MTFR1: variants seen among roughly 807,000 people sequenced by gnomAD.
The protein encoded by MTFR1 is chondrocyte protein with a poly-proline region.
In MTFR1, 28 loss-of-function variants were observed where a neutral mutation model predicts 38.8. The ratio of observed to expected loss-of-function variants is 0.72; its 90% CI spans 0.53 to 0.99. The LOEUF (loss-of-function observed/expected upper bound fraction) is 0.99. Among genes scored for constraint, MTFR1 ranks in the 50% least tolerant of loss-of-function variants. The pLI is 0.00. For missense variants in MTFR1, 358 were observed against 395.5 expected, an observed-to-expected ratio of 0.91 and a Z score of 0.81; for synonymous variants, 145 against 137.0, an observed-to-expected ratio of 1.06 and a Z score of -0.41.
chr8:65,731,980 A>ATTGTTG (rs1477616638), intron 3 of MTFR1, among the ~76,000 whole-genome samples: 2 of 151,454 alleles, frequency 1.3e-5, no homozygotes, highest in South Asian at 2.1e-4. Context: ...TATTATTATT[A>ATTGTTG]TTATTATTGT....
rs968472201 is a variant in MTFR1 at position 65,723,750 on chromosome 8, G to C, written c.*48+4269G>C. On this transcript the variant is annotated intron_variant, in intron 3 of 3. Transcript: ENST00000521247. ...TTAATCCTCATGAGAGGACAGCTTC[G>C]CAATTAGTTCTTTTTAAAATTTTAA... The C allele has an allele frequency of 1.4e-5, 8 of 562,254 alleles. No homozygotes were observed. The African/African-American group carries it at 1.6e-4, about 11-fold the overall frequency. 34.8% of individuals were successfully genotyped at this position (562,254 alleles called of 1,614,324 possible).
At chr8:65,727,508 A>C in intron 3 of MTFR1, 1 of 524,830 alleles carries the variant, frequency 1.9e-6, no homozygotes, top group East Asian at 3.2e-5. Flanking sequence ...ATGATACAAC[A>C]GTGGCCCTGC....
intron 2 of MTFR1, among the ~76,000 whole-genome samples, chr8:65,716,218 T>G (rs1187731284): frequency 6.7e-6 from 1 of 150,356 alleles, no homozygotes; most frequent in Non-Finnish European, 1.5e-5. Flanking sequence ...AACTTTTCAA[T>G]GGGTTTATTA....
chr8:65,685,851 T>C (rs1457585519), intron 3 of MTFR1, among the ~76,000 whole-genome samples: 1 of 152,188 alleles, frequency 6.6e-6, no homozygotes, highest in Non-Finnish European at 1.5e-5. Flanking sequence ...AGGGAAGGTC[T>C]CTCTAAAGGA....
intron 3 of MTFR1, among the ~76,000 whole-genome samples, chr8:65,758,429 A>G (rs1397690775): frequency 1.3e-5 from 2 of 152,214 alleles, no homozygotes; most frequent in Admixed American, 1.3e-4. Flanking sequence ...TACAGTTGTT[A>G]TACTAGTGCA....
At chr8:65,717,559 C>T (rs1323826222) in intron 2 of MTFR1, 2 of 152,198 alleles carry the variant, frequency 1.3e-5, no homozygotes, top group East Asian at 3.8e-4. Flanking sequence ...AGTAGATAAG[C>T]TCGGACTGAG....
chr8:65,775,484 G>A (rs1307688925), downstream of MTFR1, among the ~76,000 whole-genome samples: 2 of 152,132 alleles, frequency 1.3e-5, no homozygotes, highest in Admixed American at 6.5e-5. Flanking sequence ...TAATTATCAC[G>A]TTTTTATGGT....
intron 3 of MTFR1, among the ~76,000 whole-genome samples, chr8:65,691,506 G>C (rs555827637): frequency 3.9e-5 from 6 of 152,110 alleles, no homozygotes; most frequent in Non-Finnish European, 7.4e-5. Flanking sequence ...GCCCAGGCTC[G>C]TCTCAAGCTC....
chr8:65,693,547 A>C, intron 3 of MTFR1, 97 bp from the exon 4 acceptor site: 1 of 880,974 alleles, frequency 1.1e-6, no homozygotes, highest in Non-Finnish European at 1.8e-6. Flanking sequence ...ATGTGTTTTT[A>C]ACACCAGAGC....
intron 3 of MTFR1, among the ~76,000 whole-genome samples, chr8:65,752,685 T>A (rs1471254117): frequency 6.6e-6 from 1 of 152,216 alleles, no homozygotes; most frequent in Non-Finnish European, 1.5e-5. Flanking sequence ...CAAATTTAAA[T>A]CTTCTGTTAT....
At chr8:65,682,752 T>C in intron 3 of MTFR1, 1 of 985,006 alleles carries the variant, frequency 1.0e-6, no homozygotes, top group Non-Finnish European at 1.2e-6. Context: ...CTTTATATTA[T>C]TCCAGGTGCT....
At chr8:65,689,626 T>C in intron 3 of MTFR1, 22 of 1,263,164 alleles carry the variant, frequency 1.7e-5, no homozygotes, top group Non-Finnish European at 2.0e-5. Context: ...TTTCTCAAAC[T>C]TCCCATGCAT....
chr8:65,774,819 C>T (rs932688332), downstream of MTFR1, among the ~76,000 whole-genome samples: 1 of 151,722 alleles, frequency 6.6e-6, no homozygotes, highest in African/African-American at 2.4e-5. Flanking sequence ...GAGAAACGTC[C>T]GGCTGTTTCT....
intron 3 of MTFR1, among the ~76,000 whole-genome samples, chr8:65,756,362 G>T (rs756767866): frequency 2.6e-5 from 4 of 151,940 alleles, no homozygotes; most frequent in Non-Finnish European, 4.4e-5. Flanking sequence ...TTCTTTCTGG[G>T]ACTCCAGTGA....
intron 5 of MTFR1, among the ~76,000 whole-genome samples, chr8:65,705,443 T>C (rs926030412): frequency 3.3e-5 from 5 of 152,260 alleles, no homozygotes; most frequent in African/African-American, 1.2e-4. Flanking sequence ...TCAGAGAAGA[T>C]GACTAGGAAG....
At chr8:65,719,035 G>A (rs142722562) in intron 2 of MTFR1, 48 of 514,314 alleles carry the variant, frequency 9.3e-5, no homozygotes, top group Middle Eastern at 5.2e-4. Context: ...TACTCCTTTC[G>A]GATTCTCTCC....
rs117036318 is a variant in MTFR1, at chr8:65,748,622, A to G, written c.*49-22325A>G. Among the ~76,000 whole-genome samples, 779 of 152,322 alleles carry G rather than the reference A, an allele frequency of 5.1e-3. 18 individuals carry two copies. Among genetic ancestry groups the G allele is most frequent in the East Asian group, 0.03 (154 of 5,192 alleles). ...AAAATGTTCACAATATAAAACAGGA[A>G]AATCAAGACTGAGGATCAATAAATC... On this transcript the variant is annotated intron_variant, in intron 3 of 3. Transcript: ENST00000521247.
intron 1 of MTFR1, among the ~76,000 whole-genome samples, chr8:65,664,338 G>T (rs993813009): frequency 5.9e-5 from 9 of 152,132 alleles, no homozygotes; most frequent in Admixed American, 2.0e-4. Flanking sequence ...CAATGAAAAA[G>T]AACTGTAATT....
At position 65,707,873 on chromosome 8, in the gene MTFR1, G is replaced by A. The variant is rs1563459340; in HGVS notation, c.795G>A (p.Val265=). 6.2e-7 allele frequency: 1 copy of A among 1,614,168 alleles called. No homozygotes were observed. The highest frequency in any genetic ancestry group is 2.2e-5 in the East Asian group (1 of 44,886). The change falls in exon 7 of 8, where the codon GTG becomes GTA. Residue 265 remains valine, a synonymous_variant. Transcript: ENST00000262146. ...AGCAAGATGTGAAGCCCAAGCCAGTGGATGCTACTGACCCTGCTGCCCTCA... is the reference window on the plus strand; with the variant it reads ...AGCAAGATGTGAAGCCCAAGCCAGTAGATGCTACTGACCCTGCTGCCCTCA... ...RSEQDVKPKP[V]DATDPAALIA... is the part of the protein sequence containing the mutation.
Sources: allele counts gnomAD v4.1 joint callset (sites outside exome capture counted in the v4.1 genomes callset), GRCh38; gene constraint gnomAD v4.1.1; transcripts MANE v1.5; gene names NCBI Gene and HGNC (gene_info 2026-07-23, HGNC 2026-07-21).